STRBP: variants seen among roughly 807,000 people sequenced by gnomAD.
STRBP encodes spermatid perinuclear RNA-binding protein.
Under a neutral mutation model 80.1 loss-of-function variants are expected in STRBP, and 13 were observed. That is an observed-to-expected ratio of 0.16 (90% confidence interval 0.11 to 0.26). The LOEUF (loss-of-function observed/expected upper bound fraction) is 0.26. Among genes scored for constraint, STRBP ranks in the 10% least tolerant of loss-of-function variants. STRBP has a pLI of 1.00. For synonymous variants in STRBP, 284 were observed against 291.2 expected (o/e 0.98, Z 0.25); for missense variants, 485 against 815.2 (o/e 0.59, Z 4.93).
At chr9:123,197,029 T>C (rs2039117116) in intron 2 of STRBP, among the ~76,000 whole-genome samples, 1 of 152,212 alleles carries the variant, frequency 6.6e-6, no homozygotes, top group Admixed American at 6.5e-5. Context: ...ATATGGTACA[T>C]ATACATAATG....
chr9:123,254,289 A>G (rs950486909), intron 1 of STRBP, among the ~76,000 whole-genome samples: 28 of 151,896 alleles, frequency 1.8e-4, no homozygotes, highest in African/African-American at 6.8e-4. Flanking sequence ...GTAAAACCCC[A>G]TCTCTACTAA....
intron 1 of STRBP, among the ~76,000 whole-genome samples, chr9:123,257,260 TC>T (rs1286596830): frequency 1.3e-5 from 2 of 152,198 alleles, no homozygotes; most frequent in Admixed American, 1.3e-4. Context: ...TCCATTTTTC[TC>T]ATAATCCAGT....
intron 4 of STRBP, among the ~76,000 whole-genome samples, chr9:123,176,835 T>C (rs183633621): frequency 6.6e-5 from 10 of 152,344 alleles, no homozygotes; most frequent in Admixed American, 6.5e-4. Context: ...ATTTACTATA[T>C]GTGAATTTAA....
At chr9:123,191,942 G>A (rs1016018088) in intron 2 of STRBP, among the ~76,000 whole-genome samples, 3 of 152,174 alleles carry the variant, frequency 2.0e-5, no homozygotes, top group Admixed American at 1.3e-4. Flanking sequence ...GTGGAAGGAA[G>A]GAGGCCACTT....
chr9:123,148,097 T>C (rs752326863), intron 11 of STRBP, among the ~76,000 whole-genome samples: 1 of 152,194 alleles, frequency 6.6e-6, no homozygotes, highest in African/African-American at 2.4e-5. Flanking sequence ...TTTTTCCCAT[T>C]TATTCATATA....
At chr9:123,267,175 C>T (rs2041287066) in intron 1 of STRBP, among the ~76,000 whole-genome samples, 1 of 151,532 alleles carries the variant, frequency 6.6e-6, no homozygotes, top group African/African-American at 2.4e-5. Context: ...TGTCCCTCTC[C>T]CCCAGCTCCT....
At chr9:123,214,251 G>C (rs957650480) in intron 2 of STRBP, among the ~76,000 whole-genome samples, 3 of 151,858 alleles carry the variant, frequency 2.0e-5, no homozygotes, top group Admixed American at 1.3e-4. Context: ...TGGTACTGGA[G>C]ACCATTATTC....
At chr9:123,190,991 C>T (rs1378444061) in intron 2 of STRBP, among the ~76,000 whole-genome samples, 3 of 152,204 alleles carry the variant, frequency 2.0e-5, no homozygotes, top group Non-Finnish European at 4.4e-5. Context: ...ATCCCAGGCA[C>T]TGTCCTAGGC....
At chr9:123,236,656 C>CT (rs1234218106) in intron 2 of STRBP, among the ~76,000 whole-genome samples, 174 bp downstream of exon 2, 5 of 145,206 alleles carry the variant, frequency 3.4e-5, no homozygotes, top group Admixed American at 2.1e-4. Flanking sequence ...ATAGGATTTT[C>CT]TAAAAAAAAA....
intron 2 of STRBP, among the ~76,000 whole-genome samples, chr9:123,188,196 T>C (rs1167711962): frequency 2.0e-5 from 3 of 152,226 alleles, no homozygotes; most frequent in African/African-American, 7.2e-5. Context: ...CATGGATTGA[T>C]AGCTCATTTC....
At chr9:123,240,449 A>G (rs1279932426) in intron 1 of STRBP, among the ~76,000 whole-genome samples, 1 of 152,240 alleles carries the variant, frequency 6.6e-6, no homozygotes, top group Non-Finnish European at 1.5e-5. Context: ...GCATTTCACT[A>G]AAAGCAAATA....
intron 13 of STRBP, among the ~76,000 whole-genome samples, chr9:123,143,026 C>T (rs1414603217): frequency 6.6e-6 from 1 of 152,078 alleles, no homozygotes; most frequent in Non-Finnish European, 1.5e-5. Flanking sequence ...AAAGATGATA[C>T]CCTCGAATAC....
rs1219693634 is a variant in STRBP, at chr9:123,135,938, AAAC to A, written c.1773+100_1773+102del. 96 of 1,477,794 alleles carry A rather than the reference AAAC, an allele frequency of 6.5e-5. 1 individual carries two copies. The Middle Eastern group carries it at 1.0e-3, about 16-fold the overall frequency. The allele number at this position is 1,477,794 out of a possible 1,614,324, so 91.5% of individuals were successfully genotyped here. A position where few individuals can be genotyped will look rare whatever the true frequency, so the allele number is the denominator to read the frequency against. On this transcript the variant is annotated intron_variant, in intron 16 of 18. Coordinates refer to ENST00000348403, the MANE Select transcript of STRBP (RefSeq NM_018387.5). The stretch of plus-strand genomic sequence containing the variant: ...AAAGGTCACCAAGTCCAAGAAAAGG[AAAC>A]AACTTCAGAAAAAGCTAAAGTGCCA...
intron 1 of STRBP, among the ~76,000 whole-genome samples, chr9:123,255,335 G>T (rs113788388): frequency 2.0e-5 from 3 of 152,208 alleles, no homozygotes; most frequent in African/African-American, 7.2e-5. Context: ...CAGGAGTATG[G>T]TATGGCAAAA....
chr9:123,240,297 TTA>T (rs869051755), intron 1 of STRBP, among the ~76,000 whole-genome samples: 4 of 114,662 alleles, frequency 3.5e-5, no homozygotes, highest in African/African-American at 2.5e-4. Flanking sequence ...CATGAAACCA[TTA>T]TATTATTATG....
chr9:123,229,759 G>C (rs965992966), intron 2 of STRBP, among the ~76,000 whole-genome samples: 1 of 152,156 alleles, frequency 6.6e-6, no homozygotes, highest in East Asian at 1.9e-4. Context: ...GAATGGGAGA[G>C]AGGGTATTAT....
chr9:123,228,601 T>C (rs1209479164), intron 2 of STRBP, among the ~76,000 whole-genome samples: 1 of 152,162 alleles, frequency 6.6e-6, no homozygotes, highest in Non-Finnish European at 1.5e-5. Flanking sequence ...GAACTGACTG[T>C]TGAATTTAGG....
In STRBP at chr9:123,232,629, C is replaced by T. The variant is rs554888420; in HGVS notation, c.-165+4201G>A. On this transcript the variant is annotated intron_variant, in intron 2 of 18. Transcript: ENST00000348403. ...AAATTAACAGAGAAAACTGGTATGT[C>T]TATGTGGCTGAGAATTGTTAGATGT... 7.2e-5 allele frequency among the ~76,000 whole-genome samples: 11 copies of T among 152,326 alleles called. No individual in the cohort carries two copies. The South Asian group carries it at 2.1e-3, about 29-fold the overall frequency.
intron 11 of STRBP, 111 bp from the exon 12 acceptor site, chr9:123,147,981 C>G (rs1408820683): frequency 2.2e-6 from 2 of 920,262 alleles, no homozygotes; most frequent in African/African-American, 3.3e-5. Context: ...CACCAAGGAC[C>G]ATACAACTTT....
Sources: gnomAD v4.1 joint callset for allele counts (sites outside exome capture counted in the v4.1 genomes callset) on GRCh38, gnomAD v4.1.1 for gene constraint, MANE v1.5 for transcripts, NCBI Gene and HGNC (gene_info 2026-07-23, HGNC 2026-07-21) for gene names.